The following CAMK1D variants were observed in gnomAD, a reference collection of about 807,000 sequenced individuals.
The protein encoded by CAMK1D is calcium/calmodulin dependent protein kinase ID, also known as calcium/calmodulin-dependent protein kinase type 1D.
In CAMK1D, 9 loss-of-function variants were observed where a neutral mutation model predicts 47.7. The observed-to-expected ratio is 0.19, with a 90% CI of 0.11 to 0.33. CAMK1D has a LOEUF of 0.33. Among genes scored for constraint, CAMK1D ranks in the 10% least tolerant of loss-of-function variants. The probability of loss-of-function intolerance (pLI) is 1.00; values close to 1 mark genes in which losing one functional copy is unlikely to be tolerated. For synonymous variants in CAMK1D, 184 were observed against 184.9 expected (o/e 0.99, Z 0.04); for missense variants, 291 against 488.7 (o/e 0.60, Z 3.81).
intron 1 of CAMK1D, among the ~76,000 whole-genome samples, chr10:12,376,294 A>T (rs546756574): frequency 1.3e-5 from 2 of 152,040 alleles, no homozygotes; most frequent in Non-Finnish European, 2.9e-5. Flanking sequence ...CTGTGGCTTA[A>T]GTACTGTTTG....
At chr10:12,652,377 C>G (rs1473789713) in intron 2 of CAMK1D, among the ~76,000 whole-genome samples, 3 of 139,868 alleles carry the variant, frequency 2.1e-5, no homozygotes, top group East Asian at 4.3e-4. Flanking sequence ...GTCAGGAGAT[C>G]AAGACCATCC....
intron 1 of CAMK1D, among the ~76,000 whole-genome samples, chr10:12,371,196 C>CACTCACTT (rs1259070279): frequency 6.6e-6 from 1 of 152,090 alleles, no homozygotes; most frequent in Non-Finnish European, 1.5e-5. Context: ...ACCACTCACT[C>CACTCACTT]ACTCACTCAC....
chr10:12,725,541 G>A (rs1564518681), intron 3 of CAMK1D, among the ~76,000 whole-genome samples: 1 of 152,120 alleles, frequency 6.6e-6, no homozygotes, highest in Non-Finnish European at 1.5e-5. Flanking sequence ...TTAGTAATCT[G>A]ACAAAGTTTA....
At chr10:12,556,549 A>G (rs919793717) in intron 2 of CAMK1D, among the ~76,000 whole-genome samples, 1 of 152,186 alleles carries the variant, frequency 6.6e-6, no homozygotes, top group Admixed American at 6.5e-5. Flanking sequence ...TCAGAAACGC[A>G]GAGGGACATT....
rs554275816 is a variant in CAMK1D, at chr10:12,521,050, A to G, written c.93-32175A>G. Among the ~76,000 whole-genome samples, 506 of 151,554 alleles carry G rather than the reference A, an allele frequency of 3.3e-3. 3 individuals carry two copies. Among genetic ancestry groups the G allele is most frequent in the African/African-American group, 0.012 (481 of 41,310 alleles). ...TTGGCTAGAGGTTTATCAGTTTTCT[A>G]TATCTTTTAAAAGAGACAGCTTATA... On this transcript the variant is annotated intron_variant, in intron 1 of 10. Transcript: ENST00000619168.
chr10:12,541,360 T>G (rs913410552), intron 1 of CAMK1D, among the ~76,000 whole-genome samples: 1 of 152,100 alleles, frequency 6.6e-6, no homozygotes, highest in Non-Finnish European at 1.5e-5. Flanking sequence ...TTTTTGTTTT[T>G]CTTTCTTTTC....
chr10:12,759,271 T>C (rs1430112279), intron 3 of CAMK1D, among the ~76,000 whole-genome samples: 3 of 152,176 alleles, frequency 2.0e-5, no homozygotes, highest in African/African-American at 7.2e-5. Context: ...GGAGGATCGC[T>C]TAAGCCCTGT....
intron 1 of CAMK1D, among the ~76,000 whole-genome samples, chr10:12,356,553 T>C (rs565507342): frequency 1.7e-4 from 26 of 152,066 alleles, no homozygotes; most frequent in African/African-American, 5.8e-4. Flanking sequence ...AAACCTCGTC[T>C]CTACTAAAAA....
intron 1 of CAMK1D, among the ~76,000 whole-genome samples, chr10:12,365,991 G>A (rs1276567646): frequency 2.0e-5 from 3 of 152,256 alleles, no homozygotes; most frequent in African/African-American, 7.2e-5. Flanking sequence ...GGGAGCCGGA[G>A]GCTGCAGTGA....
chr10:12,454,001 G>T (rs908386301), intron 1 of CAMK1D, among the ~76,000 whole-genome samples: 6 of 152,116 alleles, frequency 3.9e-5, no homozygotes, highest in Non-Finnish European at 5.9e-5. Context: ...GCAGAGCTCT[G>T]GGGGGGCTGT....
chr10:12,636,028 TC>T (rs1266003316), intron 2 of CAMK1D, among the ~76,000 whole-genome samples: 1 of 152,216 alleles, frequency 6.6e-6, no homozygotes, highest in Non-Finnish European at 1.5e-5. Flanking sequence ...TTGCAGTTTT[TC>T]TTTTGTATTG....
At chr10:12,391,976 A>AACACACACAC (rs10659393) in intron 1 of CAMK1D, among the ~76,000 whole-genome samples, 1,916 of 143,218 alleles carry the variant, frequency 0.013, 16 homozygotes, top group East Asian at 0.038. Context: ...CTTGTCTTAA[A>AACACACACAC]ACACACACAC....
In CAMK1D at chr10:12,764,652, A is replaced by G. The variant is rs112528798; in HGVS notation, c.438+3566A>G. Among the ~76,000 whole-genome samples the G allele has an allele frequency of 5.5e-3, 832 of 152,320 alleles. 6 individuals are homozygous for G. Among genetic ancestry groups the G allele is most frequent in the African/African-American group, 0.018 (748 of 41,576 alleles). ...ACAGCATTGTCCTCTCTCTGCACCCATGATTGGATCCTTATTGTTTAGTGA... is the reference window on the plus strand; with the variant it reads ...ACAGCATTGTCCTCTCTCTGCACCCGTGATTGGATCCTTATTGTTTAGTGA... On this transcript the variant is annotated intron_variant, in intron 4 of 10. Coordinates refer to ENST00000619168, the MANE Select transcript of CAMK1D (RefSeq NM_153498.4).
At chr10:12,591,689 G>T (rs369238020) in intron 2 of CAMK1D, among the ~76,000 whole-genome samples, 6 of 152,124 alleles carry the variant, frequency 3.9e-5, no homozygotes, top group African/African-American at 1.4e-4. Context: ...ACATAATAGG[G>T]TTGGTTGGTT....
chr10:12,505,587 C>T (rs557946667), intron 1 of CAMK1D, among the ~76,000 whole-genome samples: 174 of 152,298 alleles, frequency 1.1e-3, no homozygotes, highest in African/African-American at 4.0e-3. Flanking sequence ...AGATTGTGCT[C>T]ATCAAAAGCA....
At chr10:12,819,451 T>C (rs1832937673) in intron 8 of CAMK1D, among the ~76,000 whole-genome samples, 1 of 152,184 alleles carries the variant, frequency 6.6e-6, no homozygotes, top group African/African-American at 2.4e-5. Flanking sequence ...CCTGCTCGGC[T>C]CTTAAGTCCT....
chr10:12,780,066 C>T lies in CAMK1D; in HGVS notation c.565+10267C>T, dbSNP rs368346455. On this transcript the variant is annotated intron_variant, in intron 5 of 10. Coordinates refer to ENST00000619168, the MANE Select transcript of CAMK1D (RefSeq NM_153498.4). Reference sequence around the variant, plus strand: ...TAGTTTAAACGTGTTTCATCTTGTTCTTCTCTAAAAGGAGATGGAGAACAG... The same window carrying T: ...TAGTTTAAACGTGTTTCATCTTGTTTTTCTCTAAAAGGAGATGGAGAACAG... 7.0e-4 allele frequency among the ~76,000 whole-genome samples: 107 copies of T among 152,082 alleles called. 2 individuals are homozygous for T. The highest frequency in any genetic ancestry group is 2.5e-3 in the African/African-American group (104 of 41,478).
rs141174243 is a variant in CAMK1D at position 12,745,851 on chromosome 10, G to A, written c.300-15097G>A. 1.4e-3 allele frequency among the ~76,000 whole-genome samples: 218 copies of A among 152,188 alleles called. 3 individuals are homozygous for A. Among genetic ancestry groups the A allele is most frequent in the African/African-American group, 5.0e-3 (209 of 41,528 alleles). The stretch of plus-strand genomic sequence containing the variant: ...ACCGCTGACCTCAGCTGATCCATGC[G>A]CTTCGGCCCCCCAAAGTGCTGGGAT... On this transcript the variant is annotated intron_variant, in intron 3 of 10. Transcript: ENST00000619168.
At chr10:12,734,345 A>G (rs866113385) in intron 3 of CAMK1D, among the ~76,000 whole-genome samples, 1 of 8,476 alleles carries the variant, frequency 1.2e-4, no homozygotes, top group African/African-American at 2.9e-4. Context: ...AAAAAAAAAA[A>G]ATATATATAT....
Sources: allele counts gnomAD v4.1 joint callset (sites outside exome capture counted in the v4.1 genomes callset), GRCh38; gene constraint gnomAD v4.1.1; transcripts MANE v1.5; gene names NCBI Gene and HGNC (gene_info 2026-07-23, HGNC 2026-07-21).